Variants in KLHL25 observed in about 807,000 individuals in gnomAD.
KLHL25 encodes kelch-like protein 25.
Under a neutral mutation model 30.0 loss-of-function variants are expected in KLHL25, and 41 were observed. That is an observed-to-expected ratio of 1.37 (90% CI 1.07 to 1.78). The LOEUF (loss-of-function observed/expected upper bound fraction) is 1.78, where lower values mean the gene tolerates loss of function less well. Ranked by LOEUF, KLHL25 falls within the 40% of genes most tolerant of loss-of-function variation. KLHL25 has a pLI of 0.00. For missense variants in KLHL25, 971 were observed against 824.5 expected (o/e 1.18, Z -2.18); for synonymous variants, 399 against 355.3 (o/e 1.12, Z -1.38).
chr15:85,773,184 G>A (rs1350028441), intron 1 of KLHL25, among the ~76,000 whole-genome samples: 5 of 152,358 alleles, frequency 3.3e-5, no homozygotes, highest in African/African-American at 1.2e-4. Flanking sequence ...GCTCACTGAT[G>A]TGACCTCAAC....
intron 1 of KLHL25, among the ~76,000 whole-genome samples, chr15:85,774,175 C>T (rs1479489707): frequency 6.6e-6 from 1 of 152,164 alleles, no homozygotes; most frequent in Non-Finnish European, 1.5e-5. Flanking sequence ...TGGCTCACGT[C>T]TTTGGAGCCA....
Position 85,769,561 on chromosome 15 carries a change from C to T in KLHL25, c.250G>A (p.Asp84Asn), listed in dbSNP as rs201318851. The T allele has an allele frequency of 1.1e-5, 17 of 1,613,798 alleles. No individual in the cohort carries two copies. In the South Asian group the frequency reaches 1.6e-4, roughly 16 times the overall value. The change falls in exon 2 of 3, where the codon GAT (aspartate) becomes AAT (asparagine). Residue 84 changes from aspartate (D) to asparagine (N), a missense_variant. Transcript: ENST00000337975. ...MFSHGLRESR[D>N]DTVNFQDNLH... ...TTGTCCTGGAAGTTGACAGTGTCATCCCGGCTCTCCCGAAGGCCATGGCTG... is the reference window on the plus strand; with the variant it reads ...TTGTCCTGGAAGTTGACAGTGTCATTCCGGCTCTCCCGAAGGCCATGGCTG...
intron 1 of KLHL25, among the ~76,000 whole-genome samples, chr15:85,777,718 G>T (rs1487995702): frequency 2.0e-5 from 3 of 152,188 alleles, no homozygotes; most frequent in Non-Finnish European, 4.4e-5. Context: ...CACTCCAGAG[G>T]AACGGGTCAG....
Position 85,769,351 on chromosome 15 carries a change from G to C in KLHL25, c.460C>G (p.Leu154Val). 1 of 1,614,166 alleles carries C rather than the reference G, an allele frequency of 6.2e-7. No individual in the cohort carries two copies. Among genetic ancestry groups the C allele is most frequent in the Non-Finnish European group, 8.5e-7 (1 of 1,180,022 alleles). The change falls in exon 2 of 3, where the codon CTG becomes GTG. Residue 154 changes from leucine to valine, a missense_variant. Leu to Val is a conservative substitution (Grantham distance 32). Coordinates refer to ENST00000337975, the MANE Select transcript of KLHL25 (RefSeq NM_022480.4). ...CGGCACTGGTGGGCGTCCGAGAGCA[G>C]CATCATGCCCAGGCAGTTGGAGGGG... Reference protein sequence around the residue: ...LFPSNCLGMMLLSDAHQCRRL... With the variant: ...LFPSNCLGMMVLSDAHQCRRL...
At chr15:85,766,075 G>C (rs2089622811) in intron 2 of KLHL25, among the ~76,000 whole-genome samples, 1 of 152,180 alleles carries the variant, frequency 6.6e-6, no homozygotes, top group African/African-American at 2.4e-5. Flanking sequence ...GCCTTCACTG[G>C]GTAGAGCTTT....
At chr15:85,779,094 G>A (rs1342879682) in intron 1 of KLHL25, among the ~76,000 whole-genome samples, 3 of 149,934 alleles carry the variant, frequency 2.0e-5, no homozygotes, top group Non-Finnish European at 3.0e-5. Flanking sequence ...AAGAAGAGAA[G>A]CCAGCCGAAC....
At chr15:85,791,258 G>A (rs1308634648) in intron 1 of KLHL25, among the ~76,000 whole-genome samples, 1 of 150,548 alleles carries the variant, frequency 6.6e-6, no homozygotes, top group African/African-American at 2.4e-5. Flanking sequence ...CACTTTAGGA[G>A]GCTGAGGCGG....
At chr15:85,763,250 C>T (rs2089596061) in intron 2 of KLHL25, 1 of 152,364 alleles carries the variant, frequency 6.6e-6, no homozygotes, top group Non-Finnish European at 1.5e-5. Context: ...GGAGGTCGCT[C>T]AGGTTCCAGC....
intron 2 of KLHL25, among the ~76,000 whole-genome samples, chr15:85,766,178 C>T (rs1350890601): frequency 1.3e-5 from 2 of 152,240 alleles, no homozygotes; most frequent in Admixed American, 6.5e-5. Flanking sequence ...TGAAGCTGAG[C>T]CCACACGTGG....
intron 1 of KLHL25, among the ~76,000 whole-genome samples, chr15:85,794,400 T>C (rs1456917354): frequency 1.3e-5 from 2 of 152,220 alleles, no homozygotes; most frequent in Admixed American, 1.3e-4. Flanking sequence ...AAGCAGTCTC[T>C]CTTTCCAGGA....
At chr15:85,767,701 C>T (rs2089633965) in intron 2 of KLHL25, among the ~76,000 whole-genome samples, 2 of 152,220 alleles carry the variant, frequency 1.3e-5, no homozygotes, top group Non-Finnish European at 2.9e-5. Flanking sequence ...TCAGACTCTG[C>T]AGGTTGACCT....
chr15:85,783,738 A>T (rs1049792252), intron 1 of KLHL25, among the ~76,000 whole-genome samples: 2 of 151,988 alleles, frequency 1.3e-5, no homozygotes, highest in Non-Finnish European at 2.9e-5. Flanking sequence ...GATGGGAAAA[A>T]GCAAACCTTA....
rs996928075 is a variant in KLHL25 at position 85,789,627 on chromosome 15, G to A, written c.-11+5139C>T. Among the ~76,000 whole-genome samples the A allele has an allele frequency of 6.6e-6, 1 of 152,120 alleles. No individual in the cohort carries two copies. The highest frequency in any genetic ancestry group is 1.5e-5 in the Non-Finnish European group (1 of 68,012). The stretch of plus-strand genomic sequence containing the variant: ...AGGTGGCCCTGGCTCTGTGCCCAAG[G>A]GACATCCCACCAGGGAAGTCTCACC... On this transcript the variant is annotated intron_variant, in intron 1 of 2. Transcript: ENST00000337975. The surrounding 1 kb of genome is among the most constrained non-coding windows in gnomAD (Gnocchi z 4.1).
At chr15:85,791,388 A>G (rs1177394367) in intron 1 of KLHL25, among the ~76,000 whole-genome samples, 1 of 151,998 alleles carries the variant, frequency 6.6e-6, no homozygotes, top group Non-Finnish European at 1.5e-5. Context: ...CCAGCTACTC[A>G]GGAGGCTGAG....
chr15:85,770,090 C>G (rs1567239369), intron 1 of KLHL25, among the ~76,000 whole-genome samples: 2 of 152,154 alleles, frequency 1.3e-5, no homozygotes, highest in African/African-American at 4.8e-5. Flanking sequence ...GAGCCACCCC[C>G]TAGGCAAGCT....
intron 1 of KLHL25, 133 bp downstream of exon 1, chr15:85,794,633 G>A (rs1442430444): frequency 1.3e-5 from 2 of 152,172 alleles, no homozygotes; most frequent in East Asian, 3.9e-4. Flanking sequence ...CCCCCTCCCG[G>A]GACACGTAGT....
At chr15:85,773,433 C>T (rs940165055) in intron 1 of KLHL25, among the ~76,000 whole-genome samples, 1 of 152,236 alleles carries the variant, frequency 6.6e-6, no homozygotes, top group African/African-American at 2.4e-5. Flanking sequence ...TCATTTTACT[C>T]ACACCAGCAC....
intron 2 of KLHL25, chr15:85,762,683 T>G (rs1269131184): frequency 6.6e-6 from 1 of 152,378 alleles, no homozygotes; most frequent in Non-Finnish European, 1.5e-5. Context: ...GGGATGCTGC[T>G]CTATCCCCCA....
At chr15:85,793,352 A>C (rs1183680932) in intron 1 of KLHL25, among the ~76,000 whole-genome samples, 1 of 152,190 alleles carries the variant, frequency 6.6e-6, no homozygotes, top group Non-Finnish European at 1.5e-5. Context: ...ACTGCCTGAC[A>C]AATGACTCAA....
Sources: allele counts gnomAD v4.1 joint callset (sites outside exome capture counted in the v4.1 genomes callset), GRCh38; gene constraint gnomAD v4.1.1; non-coding constraint Gnocchi (gnomAD v3.1); transcripts MANE v1.5; gene names NCBI Gene and HGNC (gene_info 2026-07-23, HGNC 2026-07-21).